SAXO1: variants seen among roughly 807,000 people sequenced by gnomAD.
SAXO1 encodes the protein stabilizer of axonemal microtubules 1, also known as 4930500O09Rik.
A neutral mutation model predicts 17.5 loss-of-function variants in SAXO1; 21 were observed. The observed-to-expected ratio is 1.20, with a 90% CI of 0.85 to 1.72. The LOEUF is 1.72. Ranked by LOEUF, SAXO1 falls within the 40% of genes most tolerant of loss-of-function variation. The pLI is 0.00. For missense variants in SAXO1, 843 were observed against 596.0 expected (o/e 1.41, Z -4.32); for synonymous variants, 274 against 216.5 (o/e 1.27, Z -2.33).
At chr9:18,956,361 C>T (rs139594632) in intron 1 of SAXO1, among the ~76,000 whole-genome samples, 15 of 152,202 alleles carry the variant, frequency 9.9e-5, no homozygotes, top group Admixed American at 7.2e-4. Context: ...GCTGGTATAA[C>T]GTGACTTTGG....
At position 18,928,561 on chromosome 9, in the gene SAXO1, T is replaced by C. The variant is rs1350330232; in HGVS notation, c.916A>G (p.Thr306Ala). ...GGGCATGTGTAATGGGCCTGCACTG[T>C]TGTCAGAAGATCCATCCTGTCTTCG... ...PPEDRMDLLT[T>A]VQAHYTCPKG... Residue 306 changes from threonine (T) to alanine (A), a missense_variant, in exon 4 of 4, where the codon ACA (threonine) becomes GCA (alanine). Physicochemically the swap from Thr to Ala is moderately conservative, Grantham distance 58. Coordinates refer to ENST00000380534, the MANE Select transcript of SAXO1 (RefSeq NM_153707.4). 1.2e-6 allele frequency: 2 copies of C among 1,614,130 alleles called. No individual in the cohort carries two copies. Among genetic ancestry groups the C allele is most frequent in the South Asian group, 1.1e-5 (1 of 91,066 alleles).
chr9:18,951,454 C>T (rs747504512), intron 1 of SAXO1, among the ~76,000 whole-genome samples: 3 of 152,184 alleles, frequency 2.0e-5, no homozygotes, highest in Non-Finnish European at 4.4e-5. Flanking sequence ...AGCAAAATCA[C>T]CTTAGTTCTG....
At chr9:18,966,088 T>A (rs190767737) in intron 1 of SAXO1, among the ~76,000 whole-genome samples, 1 of 152,364 alleles carries the variant, frequency 6.6e-6, no homozygotes, top group Admixed American at 6.5e-5. Context: ...CTCTTCTGGT[T>A]TGTAGGGTTT....
intron 1 of SAXO1, among the ~76,000 whole-genome samples, chr9:19,009,487 G>A (rs926743329): frequency 1.3e-5 from 2 of 152,166 alleles, no homozygotes; most frequent in Non-Finnish European, 2.9e-5. Flanking sequence ...ATAAGACGTG[G>A]CAAAAAGGGG....
At chr9:19,008,732 G>T (rs73433260) in intron 1 of SAXO1, among the ~76,000 whole-genome samples, 2,110 of 152,220 alleles carry the variant, frequency 0.014, 47 homozygotes, top group African/African-American at 0.048. Flanking sequence ...CACTCAGCCC[G>T]ACTATGACGA....
intron 1 of SAXO1, among the ~76,000 whole-genome samples, chr9:19,044,423 C>T (rs539285278): frequency 3.3e-5 from 5 of 152,248 alleles, no homozygotes; most frequent in Admixed American, 1.3e-4. Context: ...ATTGAACACA[C>T]GCATTTATCT....
intron 1 of SAXO1, among the ~76,000 whole-genome samples, chr9:19,024,012 CTTTTTT>C (rs71333077): frequency 8.9e-4 from 34 of 38,128 alleles, no homozygotes; most frequent in African/African-American, 3.1e-3. Context: ...CTCTTTAAGG[CTTTTTT>C]TTTTTTTTTT....
intron 2 of SAXO1, among the ~76,000 whole-genome samples, chr9:18,947,250 A>G: frequency 6.6e-6 from 1 of 152,226 alleles, no homozygotes; most frequent in African/African-American, 2.4e-5. Flanking sequence ...ATAAAATTCA[A>G]TGGGCAGTGC....
chr9:19,014,750 G>A (rs1834898009), intron 1 of SAXO1, among the ~76,000 whole-genome samples: 1 of 152,148 alleles, frequency 6.6e-6, no homozygotes, highest in African/African-American at 2.4e-5. Context: ...TTACCTACCT[G>A]TTGTCTCCTC....
chr9:18,996,652 CA>C (rs575900194), intron 1 of SAXO1, among the ~76,000 whole-genome samples: 13 of 151,490 alleles, frequency 8.6e-5, no homozygotes, highest in Admixed American at 3.3e-4. Context: ...CCTTTCTCGA[CA>C]AAAAAAACAC....
At chr9:19,008,390 A>T (rs1274871345) in intron 1 of SAXO1, among the ~76,000 whole-genome samples, 1 of 152,152 alleles carries the variant, frequency 6.6e-6, no homozygotes, top group African/African-American at 2.4e-5. Context: ...CTAACCACTC[A>T]GTTGTTATTT....
At chr9:18,976,334 A>C (rs1833150945) in intron 1 of SAXO1, among the ~76,000 whole-genome samples, 1 of 152,182 alleles carries the variant, frequency 6.6e-6, no homozygotes, top group African/African-American at 2.4e-5. Flanking sequence ...TCCCTCTCAG[A>C]AGAAAATAGC....
At chr9:18,942,361 C>A (rs918167722) in intron 2 of SAXO1, among the ~76,000 whole-genome samples, 55 of 152,166 alleles carry the variant, frequency 3.6e-4, no homozygotes, top group African/African-American at 1.3e-3. Context: ...ACGATCCCCA[C>A]CCCACCTGAA....
chr9:19,000,110 A>C (rs1056532529), intron 1 of SAXO1, among the ~76,000 whole-genome samples: 2 of 149,518 alleles, frequency 1.3e-5, no homozygotes, highest in Non-Finnish European at 1.5e-5. Flanking sequence ...CTGGGAAGTG[A>C]GGAGCACCTC....
chr9:19,042,113 A>AG (rs1836092906), intron 1 of SAXO1, among the ~76,000 whole-genome samples: 1 of 4,700 alleles, frequency 2.1e-4, no homozygotes. Flanking sequence ...CTAATAATCT[A>AG]ATTTTTTAAT....
intron 1 of SAXO1, among the ~76,000 whole-genome samples, chr9:18,990,081 T>G (rs147588822): frequency 6.8e-4 from 104 of 152,182 alleles, no homozygotes; most frequent in African/African-American, 2.5e-3. Context: ...ACTGGCCCAA[T>G]GCCACATAGG....
intron 1 of SAXO1, among the ~76,000 whole-genome samples, chr9:18,986,610 GA>G (rs35750649): frequency 0.52 from 77,567 of 149,968 alleles, 21,558 homozygotes; most frequent in Non-Finnish European, 0.63. Context: ...CTCCAAAGGA[GA>G]AAAAAAAAAG....
chr9:19,039,156 A>G (rs1349748007), intron 1 of SAXO1, among the ~76,000 whole-genome samples: 2 of 152,160 alleles, frequency 1.3e-5, no homozygotes, highest in Non-Finnish European at 1.5e-5. Flanking sequence ...AAAAAAGAAA[A>G]TATTAGCAAA....
Position 19,005,945 on chromosome 9 carries a change from AAAAC to A in SAXO1, c.38+26922_38+26925del, listed in dbSNP as rs372263145. Among the ~76,000 whole-genome samples, 150 of 152,242 alleles carry A rather than the reference AAAAC, an allele frequency of 9.9e-4. 1 individual carries two copies. The highest frequency in any genetic ancestry group is 3.3e-3 in the East Asian group (17 of 5,182). ...CAATTTTAAAATGGCAAAAACAAAA[AAAAC>A]AAACAAACAACCCACCTTGAGTAGA... On this transcript the variant is annotated intron_variant, in intron 1 of 3. Coordinates refer to ENST00000380534, the MANE Select transcript of SAXO1 (RefSeq NM_153707.4).
Sources: gnomAD v4.1 joint callset for allele counts (sites outside exome capture counted in the v4.1 genomes callset) on GRCh38, gnomAD v4.1.1 for gene constraint, MANE v1.5 for transcripts, NCBI Gene and HGNC (gene_info 2026-07-23, HGNC 2026-07-21) for gene names.